Variants in RALGPS2 observed in about 807,000 individuals in gnomAD.
RALGPS2 encodes the protein Ral GEF with PH domain and SH3 binding motif 2.
Under a neutral mutation model 86.8 loss-of-function variants are expected in RALGPS2, and 43 were observed. The observed-to-expected ratio is 0.50, with a 90% CI of 0.39 to 0.64. The LOEUF is 0.64. RALGPS2 is among the 30% of genes least tolerant of loss of function. RALGPS2 has a pLI of 0.00. For missense variants in RALGPS2, 536 were observed against 694.6 expected (o/e 0.77, Z 2.57); for synonymous variants, 243 against 231.3 (o/e 1.05, Z -0.46).
intron 8 of RALGPS2, among the ~76,000 whole-genome samples, chr1:178,856,202 G>GAGAGATATAT (rs1428022812): frequency 3.6e-5 from 3 of 83,908 alleles, no homozygotes; most frequent in African/African-American, 1.9e-4. Flanking sequence ...GAGAGAGAGA[G>GAGAGATATAT]ATATATATAT....
chr1:178,805,999 C>A (rs1256780334), intron 4 of RALGPS2, among the ~76,000 whole-genome samples: 1 of 151,942 alleles, frequency 6.6e-6, no homozygotes, highest in East Asian at 1.9e-4. Context: ...TCCTCTTGCT[C>A]CTTTCTTGAC....
chr1:178,863,568 G>A (rs1219464222), intron 8 of RALGPS2, among the ~76,000 whole-genome samples: 2 of 152,180 alleles, frequency 1.3e-5, no homozygotes, highest in African/African-American at 4.8e-5. Context: ...GAAAGAAGGT[G>A]TTTCAGTAAA....
At chr1:178,851,770 C>A (rs1285597513) in intron 8 of RALGPS2, among the ~76,000 whole-genome samples, 1 of 152,116 alleles carries the variant, frequency 6.6e-6, no homozygotes, top group African/African-American at 2.4e-5. Flanking sequence ...TGGTCTATCT[C>A]TCCTCTTTTC....
chr1:178,765,390 C>T (rs1278460586), intron 1 of RALGPS2, among the ~76,000 whole-genome samples: 3 of 152,030 alleles, frequency 2.0e-5, no homozygotes, highest in Admixed American at 6.6e-5. Context: ...CCCAAAGCCG[C>T]AAAACCAGCA....
At chr1:178,776,465 A>C (rs1653089898) in intron 1 of RALGPS2, among the ~76,000 whole-genome samples, 1 of 152,218 alleles carries the variant, frequency 6.6e-6, no homozygotes, top group South Asian at 2.1e-4. Context: ...TATGAAGAAC[A>C]TAACAATAAC....
intron 3 of RALGPS2, among the ~76,000 whole-genome samples, chr1:178,785,332 ATTTTTT>A (rs1653598173): frequency 6.6e-6 from 1 of 151,878 alleles, no homozygotes; most frequent in Non-Finnish European, 1.5e-5. Context: ...AATTATTTTT[ATTTTTT>A]AACTTTACAC....
chr1:178,780,556 T>C lies in RALGPS2; in HGVS notation c.57+3735T>C, dbSNP rs139255906. Among the ~76,000 whole-genome samples the C allele has an allele frequency of 6.0e-3, 907 of 152,278 alleles. 15 individuals carry two copies. Among genetic ancestry groups the C allele is most frequent in the African/African-American group, 0.021 (879 of 41,578 alleles). On this transcript the variant is annotated intron_variant, in intron 2 of 19. Coordinates refer to ENST00000367635, the MANE Select transcript of RALGPS2 (RefSeq NM_152663.5). ...GCCCACTGAGCCTTTTATTCAAGAC[T>C]TTCTTCAAAATGGCCCCAAATTTTT...
At chr1:178,897,024 G>A (rs1194004406) in intron 16 of RALGPS2, among the ~76,000 whole-genome samples, 1 of 151,940 alleles carries the variant, frequency 6.6e-6, no homozygotes, top group Non-Finnish European at 1.5e-5. Flanking sequence ...CTAGATCCCT[G>A]AGGAATCGCC....
intron 7 of RALGPS2, among the ~76,000 whole-genome samples, chr1:178,823,612 A>G (rs1336630259): frequency 6.6e-6 from 1 of 152,200 alleles, no homozygotes; most frequent in Admixed American, 6.5e-5. Flanking sequence ...ACAAGTAAAA[A>G]GGCCCAGATA....
At chr1:178,852,741 C>T (rs566764958) in intron 8 of RALGPS2, 3 of 1,613,702 alleles carry the variant, frequency 1.9e-6, no homozygotes, top group Non-Finnish European at 2.5e-6. Flanking sequence ...TATGCCACAT[C>T]ATAGAATCCC....
chr1:178,766,854 T>G (rs1282421177), intron 1 of RALGPS2, among the ~76,000 whole-genome samples: 1 of 152,244 alleles, frequency 6.6e-6, no homozygotes, highest in Non-Finnish European at 1.5e-5. Context: ...AGTTGCCTGC[T>G]TTTTCTCCCT....
Position 178,849,948 on chromosome 1 carries a change from C to T in RALGPS2, c.607+16398C>T, listed in dbSNP as rs566129123. ...CAAATATATTAAGGCAAGGTCACCT[C>T]TAAGCAGTGAATATGTATTCCTGAA... On this transcript the variant is annotated intron_variant, in intron 8 of 19. Coordinates refer to ENST00000367635, the MANE Select transcript of RALGPS2 (RefSeq NM_152663.5). 2.0e-5 allele frequency: 3 copies of T among 152,558 alleles called. No homozygotes were observed. The South Asian group carries it at 6.2e-4, about 32-fold the overall frequency. The allele number at this position is 152,558 out of a possible 1,614,324, so 9.5% of individuals were successfully genotyped here. A position where few individuals can be genotyped will look rare whatever the true frequency, so the allele number is the denominator to read the frequency against.
intron 4 of RALGPS2, among the ~76,000 whole-genome samples, chr1:178,803,456 A>T (rs945223956): frequency 2.6e-5 from 4 of 152,116 alleles, no homozygotes; most frequent in Non-Finnish European, 5.9e-5. Flanking sequence ...TAGGAATTTT[A>T]TCCTAAAATA....
At chr1:178,801,547 T>G (rs1473890912) in intron 4 of RALGPS2, among the ~76,000 whole-genome samples, 1 of 152,190 alleles carries the variant, frequency 6.6e-6, no homozygotes, top group Non-Finnish European at 1.5e-5. Flanking sequence ...AATTTTTTAA[T>G]ACTTTTCTGA....
intron 1 of RALGPS2, among the ~76,000 whole-genome samples, chr1:178,762,956 G>T (rs1021825194): frequency 1.3e-5 from 2 of 152,010 alleles, no homozygotes; most frequent in African/African-American, 4.8e-5. Flanking sequence ...TATCATTCCA[G>T]GGTTTTTATA....
intron 8 of RALGPS2, among the ~76,000 whole-genome samples, chr1:178,840,792 A>G (rs1364178419): frequency 9.2e-5 from 14 of 152,120 alleles, no homozygotes; most frequent in Admixed American, 8.5e-4. Context: ...AATCAAACAG[A>G]CACAATAAAA....
At chr1:178,788,212 C>G (rs774499151) in intron 4 of RALGPS2, among the ~76,000 whole-genome samples, 1 of 152,172 alleles carries the variant, frequency 6.6e-6, no homozygotes. Flanking sequence ...ACAGGGTCAC[C>G]TAGCACTCTA....
chr1:178,871,407 G>T (rs1156307670), intron 8 of RALGPS2, among the ~76,000 whole-genome samples: 1 of 152,118 alleles, frequency 6.6e-6, no homozygotes, highest in Non-Finnish European at 1.5e-5. Context: ...GTAGTTGCAG[G>T]CTGATGAGTT....
chr1:178,829,906 A>C (rs1370058728), intron 7 of RALGPS2, among the ~76,000 whole-genome samples: 1 of 151,870 alleles, frequency 6.6e-6, no homozygotes, highest in Non-Finnish European at 1.5e-5. Flanking sequence ...CATTTTGCCC[A>C]GCTAATTTTT....
Sources: allele counts gnomAD v4.1 joint callset (sites outside exome capture counted in the v4.1 genomes callset), GRCh38; gene constraint gnomAD v4.1.1; transcripts MANE v1.5; gene names NCBI Gene and HGNC (gene_info 2026-07-23, HGNC 2026-07-21).